TBX6: variants seen among roughly 807,000 people sequenced by gnomAD.
TBX6 encodes the protein T-box transcription factor TBX6.
TBX6 carries 29 observed loss-of-function variants against 42.3 expected under a neutral mutation model. The observed-to-expected ratio is 0.69, with a 90% CI of 0.51 to 0.93. TBX6 has a LOEUF of 0.93. TBX6 is among the 40% of genes least tolerant of loss of function. TBX6 has a pLI of 0.00. For synonymous variants in TBX6, 249 were observed against 245.1 expected (o/e 1.02, Z -0.15); for missense variants, 569 against 603.3 (o/e 0.94, Z 0.59).
chr16:30,091,794 A>G (rs2072729739), intron 1 of TBX6, 79 bp downstream of exon 1: 1 of 153,222 alleles, frequency 6.5e-6, no homozygotes, highest in Admixed American at 6.5e-5. Context: ...CCCAGTCCCG[A>G]GCACCGTAGT....
Position 30,088,517 on chromosome 16 carries a change from C to G in TBX6, c.839+28G>C, listed in dbSNP as rs1411900123. 6.2e-7 allele frequency: 1 copy of G among 1,613,562 alleles called. No individual in the cohort carries two copies. Among genetic ancestry groups the G allele is most frequent in the South Asian group, 1.1e-5 (1 of 91,072 alleles). On this transcript the variant is annotated intron_variant, in intron 6 of 8. Coordinates refer to ENST00000395224, the MANE Select transcript of TBX6 (RefSeq NM_004608.4). The surrounding 1 kb of genome is among the most constrained non-coding windows in gnomAD (Gnocchi z 4.1). Reference sequence around the variant, plus strand: ...GTGATTAATAAACATTTGTTGAATGCATGAACAAATGAATGAACAACTCCC... The same window carrying G: ...GTGATTAATAAACATTTGTTGAATGGATGAACAAATGAATGAACAACTCCC...
Position 30,086,582 on chromosome 16 carries a change from C to T in TBX6, c.1027G>A (p.Gly343Ser), listed in dbSNP as rs746806888. The T allele has an allele frequency of 3.2e-6, 5 of 1,558,876 alleles. No individual in the cohort carries two copies. In the South Asian group the frequency reaches 4.7e-5, roughly 15 times the overall value. ...AGGAGGTAGGCCTCAGCACTGGGGC[C>T]ACCACACAGAGGTGCCGGGGCAGCG... is the stretch of plus-strand genomic sequence containing the variant. ...ATAAPAPLCG[G>S]PSAEAYLLHP... is the part of the protein sequence containing the mutation. The change falls in exon 8 of 9, where the codon GGC (glycine) becomes AGC (serine). Residue 343 changes from glycine (G) to serine (S), a missense_variant. By Grantham distance (56) the Gly-to-Ser change is moderately conservative. Coordinates refer to ENST00000395224, the MANE Select transcript of TBX6 (RefSeq NM_004608.4). The surrounding 1 kb of genome is among the most constrained non-coding windows in gnomAD (Gnocchi z 4.6).
At chr16:30,090,698 G>C in intron 3 of TBX6, 60 bp downstream of exon 3, 1 of 1,532,370 alleles carries the variant, frequency 6.5e-7, no homozygotes, top group South Asian at 1.2e-5. Flanking sequence ...CCCCTCCCCA[G>C]GGACTCTGCC....
rs994246265 is a variant in TBX6, at chr16:30,089,191, G to A, written c.373C>T (p.Arg125Ter). ...GGGTCCAGGCCAGTGACTGACACTC[G>A]GCAGGCAGGGAACATGCGCCTGTGC... ...KAGRRMFPACRVSVTGLDPEA... is the reference protein window; with the variant it reads ...KAGRRMFPAC The change falls in exon 4 of 9, where the codon CGA (arginine) becomes TGA (stop). Residue 125 changes from arginine to a stop codon, truncating the protein, a stop_gained. Transcript: ENST00000395224. LOFTEE classifies it high-confidence loss of function. 10 of 1,613,664 alleles carry A rather than the reference G, an allele frequency of 6.2e-6. No homozygotes were observed. Among genetic ancestry groups the A allele is most frequent in the Non-Finnish European group, 8.5e-6 (10 of 1,179,876 alleles).
rs530384935 is a variant in TBX6 at position 30,088,101 on chromosome 16, G to T, written c.839+444C>A. The T allele has an allele frequency of 2.2e-5, 5 of 223,758 alleles. No individual in the cohort carries two copies. In the South Asian group the frequency reaches 2.6e-4, roughly 12 times the overall value. 13.9% of individuals were successfully genotyped at this position (223,758 alleles called of 1,614,324 possible). ...TTACAGGCGTTTGCCACCATGCCTG[G>T]CTAATTTTTGTATTTTTAGCAGAGA... is the stretch of plus-strand genomic sequence containing the variant. On this transcript the variant is annotated intron_variant, in intron 6 of 8. Transcript: ENST00000395224. The surrounding 1 kb of genome is among the most constrained non-coding windows in gnomAD (Gnocchi z 4.1).
chr16:30,087,883 CTTTTTCTTT>C (rs1267552416), intron 6 of TBX6: 11 of 139,992 alleles, frequency 7.9e-5, no homozygotes, highest in East Asian at 2.0e-4. Flanking sequence ...TTCTCTTCTC[CTTTTTCTTT>C]TTTTTCTTTT....
rs3809624 is a variant in TBX6 at position 30,091,481 on chromosome 16, T to C, written c.-48-240A>G. On this transcript the variant is annotated intron_variant, in intron 1 of 8. Transcript: ENST00000395224. ...TTACATAATTAACTCCTCGGCTTGATTGATCCCCAGGGCTCGGACAGGGAC... is the reference window on the plus strand; with the variant it reads ...TTACATAATTAACTCCTCGGCTTGACTGATCCCCAGGGCTCGGACAGGGAC... 0.3 allele frequency: 96,674 copies of C among 323,542 alleles called. 17,041 individuals carry two copies. The highest frequency in any genetic ancestry group is 0.55 in the East Asian group (9,527 of 17,258). The allele number at this position is 323,542 out of a possible 1,614,324, so 20.0% of individuals were successfully genotyped here. A position where few individuals can be genotyped will look rare whatever the true frequency, so the allele number is the denominator to read the frequency against.
chr16:30,085,951 G>T lies in TBX6; in HGVS notation c.*274C>A. ...TGGTAAGTGGGGATGCTGGTCTGTG[G>T]CCCCATTTGGCCAGGCAGAGCCCCT... On this transcript the variant is annotated 3_prime_UTR_variant, in exon 9 of 9. Transcript: ENST00000395224. 2.1e-6 allele frequency: 1 copy of T among 465,680 alleles called. No homozygotes were observed. The highest frequency in any genetic ancestry group is 3.8e-6 in the Non-Finnish European group (1 of 262,574). 28.8% of individuals were successfully genotyped at this position (465,680 alleles called of 1,614,324 possible).
Position 30,086,068 on chromosome 16 carries a change from TG to T in TBX6, c.*156del. On this transcript the variant is annotated 3_prime_UTR_variant, in exon 9 of 9. Transcript: ENST00000395224. This position sits in a 1 kb window ranked among gnomAD's most constrained non-coding sequence, Gnocchi z 4.6. ...GTTAGGCTTTGAAGCCAGAGGGGGG[TG>T]GGAGTGAAATCAAGGTGTGAAGTTG... 1.9e-6 allele frequency: 1 copy of T among 514,382 alleles called. No individual in the cohort carries two copies. The highest frequency in any genetic ancestry group is 3.0e-6 in the Non-Finnish European group (1 of 330,814). The allele number at this position is 514,382 out of a possible 1,614,324, so 31.9% of individuals were successfully genotyped here. A position where few individuals can be genotyped will look rare whatever the true frequency, so the allele number is the denominator to read the frequency against.
In TBX6 at chr16:30,086,642, C is replaced by G; in HGVS notation, c.967G>C (p.Asp323His). The G allele has an allele frequency of 1.9e-6, 3 of 1,608,104 alleles. No homozygotes were observed. In the South Asian group the frequency reaches 3.3e-5, roughly 18 times the overall value. ...STLGGDIRES[D>H]PEQAPAPGEA... ...CCGGGGGCTGGGGCCTGTTCTGGAT[C>G]TGATTCACGAATGTCTCCACCCAGG... is the stretch of plus-strand genomic sequence containing the variant. Residue 323 changes from aspartate (D) to histidine (H), a missense_variant, in exon 8 of 9, where the codon GAT (aspartate) becomes CAT (histidine). Asp to His is a moderately conservative substitution (Grantham distance 81). Around this residue, in one of 3 missense-constraint regions of TBX6, gnomAD observed 245 missense variants for 227.4 expected, o/e 1.08. Transcript: ENST00000395224. This position sits in a 1 kb window ranked among gnomAD's most constrained non-coding sequence, Gnocchi z 4.6.
Position 30,091,062 on chromosome 16 carries a change from G to T in TBX6, c.118+14C>A, listed in dbSNP as rs745965688. ...CCCCTATTCTCCTACCCAGGAGCTG[G>T]TCCCAACGCTCACCGGGGTAGCGGT... is the stretch of plus-strand genomic sequence containing the variant. On this transcript the variant is annotated intron_variant, in intron 2 of 8. Transcript: ENST00000395224. 2.5e-6 allele frequency: 4 copies of T among 1,587,202 alleles called. No homozygotes were observed. Among genetic ancestry groups the T allele is most frequent in the Non-Finnish European group, 2.6e-6 (3 of 1,167,020 alleles).
chr16:30,086,319 G>A lies in TBX6; in HGVS notation c.1217C>T (p.Pro406Leu). 6.2e-7 allele frequency: 1 copy of A among 1,608,074 alleles called. No individual in the cohort carries two copies. Among genetic ancestry groups the A allele is most frequent in the Non-Finnish European group, 8.5e-7 (1 of 1,178,252 alleles). Reference protein sequence around the residue: ...SGYPAAPPAVPFAPHFLQGGP... With the variant: ...SGYPAAPPAVLFAPHFLQGGP... ...CCCTTGGAGAAAGTGCGGGGCAAAG[G>A]GTACCGCCGGTGGAGCCGCTGGGTA... Residue 406 changes from proline to leucine, a missense_variant, in exon 9 of 9, where the codon CCC becomes CTC. Around this residue, in one of 3 missense-constraint regions of TBX6, gnomAD observed 245 missense variants for 227.4 expected, o/e 1.08. Coordinates refer to ENST00000395224, the MANE Select transcript of TBX6 (RefSeq NM_004608.4). This position sits in a 1 kb window ranked among gnomAD's most constrained non-coding sequence, Gnocchi z 4.6.
In TBX6 at chr16:30,086,419, C is replaced by T; in HGVS notation, c.1117G>A (p.Ala373Thr). The T allele has an allele frequency of 1.3e-6, 2 of 1,531,028 alleles. No homozygotes were observed. Among genetic ancestry groups the T allele is most frequent in the Non-Finnish European group, 1.7e-6 (2 of 1,145,382 alleles). The allele number at this position is 1,531,028 out of a possible 1,614,324, so 94.8% of individuals were successfully genotyped here. Residue 373 changes from alanine (A) to threonine (T), a missense_variant, in exon 9 of 9, where the codon GCT (alanine) becomes ACT (threonine). By Grantham distance (58) the Ala-to-Thr change is moderately conservative (BLOSUM62 0). Around this residue, in one of 3 missense-constraint regions of TBX6, gnomAD observed 245 missense variants for 227.4 expected, o/e 1.08. Coordinates refer to ENST00000395224, the MANE Select transcript of TBX6 (RefSeq NM_004608.4). The surrounding 1 kb of genome is among the most constrained non-coding windows in gnomAD (Gnocchi z 4.6). ...LPTRSPSFPE[A>T]PDSGRSAPYS... ...GGGGCTGAGCGCCCGGAGTCTGGAG[C>T]CTCCGGGAAGCTGGGGCTCCTGACA...
chr16:30,088,801 T>G lies in TBX6; in HGVS notation c.660A>C (p.Ile220=). The G allele has an allele frequency of 6.2e-7, 1 of 1,613,958 alleles. No individual in the cohort carries two copies. Among genetic ancestry groups the G allele is most frequent in the Non-Finnish European group, 8.5e-7 (1 of 1,179,936 alleles). Residue 220 remains isoleucine, a synonymous_variant, in exon 5 of 9, where the codon ATA becomes ATC. Coordinates refer to ENST00000395224, the MANE Select transcript of TBX6 (RefSeq NM_004608.4). This position sits in a 1 kb window ranked among gnomAD's most constrained non-coding sequence, Gnocchi z 4.1. Reference sequence around the variant, plus strand: ...AGAGCTGGGCTGCCCGAACTAGGTGTATGCGGGGTTGGTACTTGTGCATGG... The same window carrying G: ...AGAGCTGGGCTGCCCGAACTAGGTGGATGCGGGGTTGGTACTTGTGCATGG... ...LHSMHKYQPR[I]HLVRAAQLCS... is the part of the protein sequence containing the mutation.
At chr16:30,091,658 T>G in intron 1 of TBX6, 2 of 162,314 alleles carry the variant, frequency 1.2e-5, no homozygotes, top group South Asian at 1.4e-4. Context: ...GTGACCGCCC[T>G]CCGCCCCCCT....
Position 30,088,930 on chromosome 16 carries a change from GCCTGGGCCTCACGTGGC to G in TBX6, c.617_621+12del, listed in dbSNP as rs748069460. ...CCCCCAACCCTATCCTGGAGTCCCAGCCTGGGCCTCACGTGGCCGTGGGGGTCCAGCGTGCTGTTGGT... is the reference window on the plus strand; with the variant it reads ...CCCCCAACCCTATCCTGGAGTCCCAGCGTGGGGGTCCAGCGTGCTGTTGGT... On this transcript the variant is annotated splice_donor_variant and splice_donor_5th_base_variant and coding_sequence_variant and intron_variant, in exon 4 of 9. Coordinates refer to ENST00000395224, the MANE Select transcript of TBX6 (RefSeq NM_004608.4). LOFTEE classifies it high-confidence loss of function. This position sits in a 1 kb window ranked among gnomAD's most constrained non-coding sequence, Gnocchi z 4.1. 1.9e-6 allele frequency: 3 copies of G among 1,604,608 alleles called. No individual in the cohort carries two copies. In the Admixed American group the frequency reaches 5.0e-5, roughly 27 times the overall value.
rs749456982 is a variant in TBX6 at position 30,088,949 on chromosome 16, G to A, written c.615C>T (p.His205=). The change falls in exon 4 of 9, where the codon CAC becomes CAT. Residue 205 remains histidine (H), a synonymous_variant. Transcript: ENST00000395224. This position sits in a 1 kb window ranked among gnomAD's most constrained non-coding sequence, Gnocchi z 4.1. Reference sequence around the variant, plus strand: ...GTCCCAGCCTGGGCCTCACGTGGCCGTGGGGGTCCAGCGTGCTGTTGGTGA... The same window carrying A: ...GTCCCAGCCTGGGCCTCACGTGGCCATGGGGGTCCAGCGTGCTGTTGGTGA... ...VKLTNSTLDP[H]GHLILHSMHK... 1.1e-5 allele frequency: 17 copies of A among 1,607,004 alleles called. No individual in the cohort carries two copies. Among genetic ancestry groups the A allele is most frequent in the East Asian group, 6.7e-5 (3 of 44,636 alleles).
rs116697432 is a variant in TBX6 at position 30,089,097 on chromosome 16, C to T, written c.467G>A (p.Arg156Gln). 2.1e-5 allele frequency: 34 copies of T among 1,613,874 alleles called. 1 individual carries two copies. Among genetic ancestry groups the T allele is most frequent in the Admixed American group, 1.7e-4 (10 of 60,028 alleles). The part of the protein sequence containing the change: ...VDGARYRWQG[R>Q]RWEPSGKAEP... ...TGCCTTGCCGCTGGGCTCCCAGCGCCGGCCCTGCCAGCGGTAGCGAGCCCC... is the reference window on the plus strand; with the variant it reads ...TGCCTTGCCGCTGGGCTCCCAGCGCTGGCCCTGCCAGCGGTAGCGAGCCCC... The change falls in exon 4 of 9, where the codon CGG becomes CAG. Residue 156 changes from arginine to glutamine, a missense_variant. Physicochemically the swap from Arg to Gln is conservative, Grantham distance 43 (BLOSUM62 1). Around this residue, in one of 3 missense-constraint regions of TBX6, gnomAD observed 190 missense variants for 250.6 expected, o/e 0.76. Coordinates refer to ENST00000395224, the MANE Select transcript of TBX6 (RefSeq NM_004608.4).
chr16:30,091,590 A>G (rs1365796470), intron 1 of TBX6: 4 of 190,606 alleles, frequency 2.1e-5, no homozygotes, highest in African/African-American at 7.1e-5. Context: ...CGGGGCCTGG[A>G]ACCTGGACGG....
Sources: gnomAD v4.1 joint callset for allele counts on GRCh38, gnomAD v4.1.1 for gene constraint, gnomAD v4.1.1 regional missense constraint, Gnocchi (gnomAD v3.1) non-coding constraint, MANE v1.5 for transcripts, NCBI Gene and HGNC (gene_info 2026-07-23, HGNC 2026-07-21) for gene names.